The following TTC7A variants were observed in gnomAD, a reference collection of about 807,000 sequenced individuals.
TTC7A encodes tetratricopeptide repeat domain 7A.
Under a neutral mutation model 103.7 loss-of-function variants are expected in TTC7A, and 110 were observed. The ratio of observed to expected loss-of-function variants is 1.06; its 90% CI spans 0.91 to 1.24. The LOEUF is 1.24. TTC7A is among the 50% of genes most tolerant of loss of function. The pLI is 0.00. For synonymous variants in TTC7A, 521 were observed against 467.9 expected, an observed-to-expected ratio of 1.11 and a Z score of -1.47; for missense variants, 1,340 against 1,116.3, an observed-to-expected ratio of 1.20 and a Z score of -2.86.
intron 15 of TTC7A, among the ~76,000 whole-genome samples, chr2:47,032,203 A>T (rs1468227653): frequency 6.6e-6 from 1 of 152,042 alleles, no homozygotes; most frequent in East Asian, 1.9e-4. Context: ...GTCTCCAAGA[A>T]CCCCTGGACC....
At chr2:47,013,889 G>T (rs910112613) in intron 11 of TTC7A, among the ~76,000 whole-genome samples, 7 of 152,274 alleles carry the variant, frequency 4.6e-5, no homozygotes, top group Middle Eastern at 3.4e-3. Context: ...TTGAGCCAGG[G>T]TTTAAATCAG....
Position 46,930,820 on chromosome 2 carries a change from A to G in TTC7A, c.82+13543A>G, listed in dbSNP as rs532156479. ...CAGCCTGAAGTCCTATAATTTTTAA[A>G]GAAATCCAATCAGTAATTTTTAAAC... On this transcript the variant is annotated intron_variant, in intron 2 of 20. Coordinates refer to the TTC7A transcript ENST00000409245. Among the ~76,000 whole-genome samples, 5 of 152,304 alleles carry G rather than the reference A, an allele frequency of 3.3e-5. No individual in the cohort carries two copies. The South Asian group carries it at 1.0e-3, about 32-fold the overall frequency.
At chr2:47,048,855 A>G (rs1682585747) in intron 16 of TTC7A, among the ~76,000 whole-genome samples, 1 of 152,134 alleles carries the variant, frequency 6.6e-6, no homozygotes, top group South Asian at 2.1e-4. Context: ...CTCCTGCCTC[A>G]GCCTCCCAAA....
chr2:47,073,994 G>A lies in TTC7A; in HGVS notation c.*71G>A. On this transcript the variant is annotated 3_prime_UTR_variant, in exon 20 of 20. Coordinates refer to ENST00000319190, the MANE Select transcript of TTC7A (RefSeq NM_020458.4). Reference sequence around the variant, plus strand: ...CAGCAGGGAACGTGGGTCAGGGTGGGGCAACAGTGGCATCAGGTGCGGGGC... The same window carrying A: ...CAGCAGGGAACGTGGGTCAGGGTGGAGCAACAGTGGCATCAGGTGCGGGGC... 1 of 1,227,232 alleles carries A rather than the reference G, an allele frequency of 8.1e-7. No individual in the cohort carries two copies. The highest frequency in any genetic ancestry group is 1.2e-6 in the Non-Finnish European group (1 of 865,726). The allele number at this position is 1,227,232 out of a possible 1,614,324, so 76.0% of individuals were successfully genotyped here. A position where few individuals can be genotyped will look rare whatever the true frequency, so the allele number is the denominator to read the frequency against.
intron 14 of TTC7A, among the ~76,000 whole-genome samples, chr2:47,028,944 T>A (rs1308629756): frequency 6.6e-6 from 1 of 152,186 alleles, no homozygotes; most frequent in Non-Finnish European, 1.5e-5. Flanking sequence ...TGCCTCACCC[T>A]GTGGCTTCCA....
intron 2 of TTC7A, among the ~76,000 whole-genome samples, chr2:46,932,349 A>G (rs1446978977): frequency 2.6e-5 from 4 of 152,076 alleles, no homozygotes; most frequent in African/African-American, 9.7e-5. Context: ...GGGTTTCACC[A>G]TGTTGACCAG....
At chr2:46,938,936 G>GCTAA (rs1670112762), upstream of TTC7A, among the ~76,000 whole-genome samples, 1 of 151,696 alleles carries the variant, frequency 6.6e-6, no homozygotes, top group Non-Finnish European at 1.5e-5. Context: ...GCTTGAACCT[G>GCTAA]GGAGGCGGAG....
At chr2:47,047,187 C>G (rs1682411854) in intron 16 of TTC7A, 1 of 802,214 alleles carries the variant, frequency 1.2e-6, no homozygotes, top group Non-Finnish European at 2.0e-6. Flanking sequence ...TCCTCTTGTC[C>G]TTCTTTGGGA....
chr2:47,002,319 A>G (rs1431169868), intron 8 of TTC7A, among the ~76,000 whole-genome samples: 3 of 152,224 alleles, frequency 2.0e-5, no homozygotes. Flanking sequence ...GCAGGGAGAA[A>G]CCAGAGGAGA....
intron 2 of TTC7A, among the ~76,000 whole-genome samples, chr2:46,934,537 T>G (rs925334913): frequency 4.6e-5 from 7 of 151,990 alleles, no homozygotes; most frequent in Admixed American, 4.6e-4. Flanking sequence ...ACCTCCCAAA[T>G]TGCTGGCATT....
chr2:47,011,229 G>A (rs908233118), intron 10 of TTC7A, 102 bp from the exon 11 acceptor site: 1 of 1,090,460 alleles, frequency 9.2e-7, no homozygotes, highest in African/African-American at 1.6e-5. Flanking sequence ...GAGAGCAAAG[G>A]GATACAGAGC....
intron 14 of TTC7A, among the ~76,000 whole-genome samples, chr2:47,025,055 G>A (rs981759185): frequency 5.3e-5 from 8 of 152,314 alleles, no homozygotes; most frequent in Middle Eastern, 6.8e-3. Context: ...GATGCCTGCC[G>A]ATGCCCCCAC....
chr2:46,930,617 A>C (rs1045481842), intron 2 of TTC7A, among the ~76,000 whole-genome samples: 22 of 151,272 alleles, frequency 1.5e-4, no homozygotes, highest in African/African-American at 5.1e-4. Context: ...CTCCTGCCTC[A>C]GCCTCCCAAG....
intron 1 of TTC7A, among the ~76,000 whole-genome samples, chr2:46,946,251 C>T (rs899358224): frequency 6.6e-6 from 1 of 151,982 alleles, no homozygotes; most frequent in Non-Finnish European, 1.5e-5. Flanking sequence ...GATTCACTAT[C>T]GGTCTGATGG....
chr2:47,019,435 A>T (rs1679042573), intron 11 of TTC7A, among the ~76,000 whole-genome samples: 1 of 152,208 alleles, frequency 6.6e-6, no homozygotes, highest in African/African-American at 2.4e-5. Context: ...GAGATGGTAC[A>T]TTAAGCCTTG....
At chr2:47,006,289 C>G (rs915549281) in intron 9 of TTC7A, among the ~76,000 whole-genome samples, 2 of 152,220 alleles carry the variant, frequency 1.3e-5, no homozygotes, top group Non-Finnish European at 2.9e-5. Context: ...AGGCTGAGAA[C>G]AGTGCCATGC....
chr2:46,964,385 G>A (rs929415124), intron 3 of TTC7A, among the ~76,000 whole-genome samples: 5 of 152,104 alleles, frequency 3.3e-5, no homozygotes, highest in East Asian at 1.9e-4. Flanking sequence ...TGAGTGTGAG[G>A]GCCAGGTGGG....
intron 8 of TTC7A, among the ~76,000 whole-genome samples, chr2:47,000,291 C>G (rs532150689): frequency 2.6e-5 from 4 of 150,946 alleles, no homozygotes; most frequent in African/African-American, 9.8e-5. Flanking sequence ...GGGCTTGATT[C>G]CATTAGGGAT....
chr2:46,948,263 G>A (rs1671106647), intron 1 of TTC7A, among the ~76,000 whole-genome samples: 1 of 152,184 alleles, frequency 6.6e-6, no homozygotes, highest in African/African-American at 2.4e-5. Context: ...CTTTACAGAG[G>A]CAAAGCAGGT....
Sources: gnomAD v4.1 joint callset for allele counts (sites outside exome capture counted in the v4.1 genomes callset) on GRCh38, gnomAD v4.1.1 for gene constraint, MANE v1.5 for transcripts, NCBI Gene and HGNC (gene_info 2026-07-23, HGNC 2026-07-21) for gene names.